Variants in ADCY9 observed in about 807,000 individuals in gnomAD.
ADCY9 encodes adenylate cyclase type 9.
In ADCY9, 50 loss-of-function variants were observed where a neutral mutation model predicts 101.5. The ratio of observed to expected loss-of-function variants is 0.49; its 90% confidence interval spans 0.39 to 0.62. ADCY9 has a LOEUF of 0.62. Among genes scored for constraint, ADCY9 ranks in the 20% least tolerant of loss-of-function variants. The pLI is 0.00. For synonymous variants in ADCY9, 905 were observed against 769.3 expected, an observed-to-expected ratio of 1.18 and a Z score of -2.92; for missense variants, 1,662 against 1,800.4, an observed-to-expected ratio of 0.92 and a Z score of 1.39.
intron 6 of ADCY9, among the ~76,000 whole-genome samples, chr16:3,984,843 G>A (rs1385233259): frequency 6.6e-6 from 1 of 152,230 alleles, no homozygotes; most frequent in Non-Finnish European, 1.5e-5. Context: ...AGGTCTCCTG[G>A]CAGCCCTGGG....
At chr16:3,968,522 C>T (rs2056019444) in intron 10 of ADCY9, among the ~76,000 whole-genome samples, 1 of 152,198 alleles carries the variant, frequency 6.6e-6, no homozygotes, top group Admixed American at 6.5e-5. Context: ...AAAAGTTTGA[C>T]AAGACGCCAT....
At chr16:4,060,685 G>A (rs1440388630) in intron 2 of ADCY9, among the ~76,000 whole-genome samples, 2 of 151,898 alleles carry the variant, frequency 1.3e-5, no homozygotes, top group Non-Finnish European at 2.9e-5. Flanking sequence ...AGACTTCACA[G>A]AATTAATCCA....
At chr16:4,009,477 G>A (rs1044940127) in intron 2 of ADCY9, among the ~76,000 whole-genome samples, 2 of 152,016 alleles carry the variant, frequency 1.3e-5, no homozygotes, top group African/African-American at 4.8e-5. Flanking sequence ...GGCTGGTCTC[G>A]AACTCCTAGA....
chr16:4,084,095 CTTTCT>C (rs1410730344), intron 2 of ADCY9, among the ~76,000 whole-genome samples: 3 of 151,906 alleles, frequency 2.0e-5, no homozygotes, highest in Non-Finnish European at 4.4e-5. Context: ...CTCAATAAAG[CTTTCT>C]TTTGTTTGTT....
intron 2 of ADCY9, among the ~76,000 whole-genome samples, chr16:4,016,884 A>G: frequency 6.6e-6 from 1 of 152,214 alleles, no homozygotes; most frequent in Admixed American, 6.5e-5. Context: ...CGAAAATGTA[A>G]AATTAGGTTG....
At chr16:3,985,113 CT>C (rs999925538) in intron 6 of ADCY9, among the ~76,000 whole-genome samples, 1 of 145,292 alleles carries the variant, frequency 6.9e-6, no homozygotes, top group Non-Finnish European at 1.5e-5. Flanking sequence ...GTGGGAATTT[CT>C]TTTTTTTCAT....
At chr16:3,981,492 T>C (rs950443195) in intron 7 of ADCY9, among the ~76,000 whole-genome samples, 3 of 151,144 alleles carry the variant, frequency 2.0e-5, no homozygotes, top group South Asian at 2.1e-4. Context: ...GATAGTTACA[T>C]AGTGGTGATA....
intron 3 of ADCY9, among the ~76,000 whole-genome samples, chr16:3,993,900 T>C (rs1567428770): frequency 1.3e-5 from 2 of 152,118 alleles, no homozygotes; most frequent in Non-Finnish European, 2.9e-5. Flanking sequence ...AGATATTACG[T>C]GATCCCGTCT....
At chr16:4,097,716 T>A (rs918264429) in intron 2 of ADCY9, among the ~76,000 whole-genome samples, 2 of 150,820 alleles carry the variant, frequency 1.3e-5, no homozygotes, top group African/African-American at 2.4e-5. Flanking sequence ...CCAGCTGATT[T>A]TTGTATTTTT....
At chr16:4,096,318 AGATTT>A (rs1403669271) in intron 2 of ADCY9, among the ~76,000 whole-genome samples, 1 of 152,238 alleles carries the variant, frequency 6.6e-6, no homozygotes, top group Non-Finnish European at 1.5e-5. Flanking sequence ...ACAATGGTGG[AGATTT>A]TAAGCATATC....
chr16:4,074,173 A>C (rs575834407), intron 2 of ADCY9, among the ~76,000 whole-genome samples: 88 of 152,184 alleles, frequency 5.8e-4, no homozygotes, highest in South Asian at 2.5e-3. Flanking sequence ...TATATAAAAT[A>C]CATTATTATG....
rs1458098303 is a variant in ADCY9 at position 4,058,202 on chromosome 16, G to A, written c.1694-50644C>T. ...GTTGAGGCTGGGCGCAGTGGCTCAT[G>A]CCTGTAATCCCAACACTTTGGGAGG... On this transcript the variant is annotated intron_variant, in intron 2 of 10. Transcript: ENST00000294016. 2.7e-5 allele frequency among the ~76,000 whole-genome samples: 4 copies of A among 146,158 alleles called. No individual in the cohort carries two copies. In the Admixed American group the frequency reaches 2.8e-4, roughly 10 times the overall value.
Position 4,115,070 on chromosome 16 carries a change from A to G in ADCY9, c.373T>C (p.Phe125Leu), listed in dbSNP as rs892102546. Residue 125 changes from phenylalanine to leucine, a missense_variant, in exon 2 of 11, where the codon TTC becomes CTC. Coordinates refer to ENST00000294016, the MANE Select transcript of ADCY9 (RefSeq NM_001116.4). This position sits in a 1 kb window ranked among gnomAD's most constrained non-coding sequence, Gnocchi z 6.2. ...RFRYALFYIG[F>L]ACLLWSIYFA... The stretch of plus-strand genomic sequence containing the variant: ...TAGATGCTCCACAGAAGGCAGGCGA[A>G]GCCGATGTAGAAGAGCGCATACCGG... 4.3e-6 allele frequency: 7 copies of G among 1,614,016 alleles called. No individual in the cohort carries two copies. Among genetic ancestry groups the G allele is most frequent in the Non-Finnish European group, 5.1e-6 (6 of 1,180,030 alleles).
At chr16:3,990,804 T>G (rs1433245803) in intron 5 of ADCY9, among the ~76,000 whole-genome samples, 1 of 152,204 alleles carries the variant, frequency 6.6e-6, no homozygotes, top group Non-Finnish European at 1.5e-5. Flanking sequence ...CATTTATTTC[T>G]TATTTGTTTT....
At chr16:4,057,814 A>T (rs2056750150) in intron 2 of ADCY9, among the ~76,000 whole-genome samples, 1 of 152,126 alleles carries the variant, frequency 6.6e-6, no homozygotes, top group Non-Finnish European at 1.5e-5. Context: ...CAGTGCTGCA[A>T]GAGTTGCTCC....
chr16:4,042,707 G>A (rs1025988423), intron 2 of ADCY9, among the ~76,000 whole-genome samples: 11 of 152,144 alleles, frequency 7.2e-5, no homozygotes, highest in African/African-American at 1.9e-4. Context: ...CCTGCAAAAC[G>A]GAGCTAGACC....
At chr16:4,058,481 AAAG>A (rs1192539639) in intron 2 of ADCY9, among the ~76,000 whole-genome samples, 6 of 152,032 alleles carry the variant, frequency 3.9e-5, no homozygotes, top group East Asian at 1.9e-4. Flanking sequence ...AAAAAAAAAA[AAAG>A]AAGAAGAATT....
At chr16:4,038,522 T>G (rs1040427434) in intron 2 of ADCY9, among the ~76,000 whole-genome samples, 1 of 152,102 alleles carries the variant, frequency 6.6e-6, no homozygotes, top group Non-Finnish European at 1.5e-5. Flanking sequence ...CCTCCAGAAC[T>G]GTAAGAAATA....
chr16:3,961,463 C>T (rs1390068683), downstream of ADCY9, among the ~76,000 whole-genome samples: 3 of 150,640 alleles, frequency 2.0e-5, no homozygotes, highest in Non-Finnish European at 3.0e-5. Flanking sequence ...AAAAAAAAAC[C>T]GAACAAAACC....
Sources: gnomAD v4.1 joint callset for allele counts (sites outside exome capture counted in the v4.1 genomes callset) on GRCh38, gnomAD v4.1.1 for gene constraint, Gnocchi (gnomAD v3.1) non-coding constraint, MANE v1.5 for transcripts, NCBI Gene and HGNC (gene_info 2026-07-23, HGNC 2026-07-21) for gene names.